STARD5: variants seen among roughly 807,000 people sequenced by gnomAD.
The protein encoded by STARD5 is StAR related lipid transfer domain containing 5, also known as stAR-related lipid transfer protein 5.
Under a neutral mutation model 24.6 loss-of-function variants are expected in STARD5, and 26 were observed. The ratio of observed to expected loss-of-function variants is 1.06; its 90% CI spans 0.77 to 1.47. The LOEUF (loss-of-function observed/expected upper bound fraction) is 1.47, where lower values mean the gene tolerates loss of function less well. Ranked by LOEUF, STARD5 falls within the 40% of genes most tolerant of loss-of-function variation. The pLI is 0.00. For synonymous variants in STARD5, 101 were observed against 99.7 expected (o/e 1.01, Z -0.07); for missense variants, 254 against 270.8 (o/e 0.94, Z 0.44).
chr15:81,319,295 C>G (rs768499450), intron 4 of STARD5, 44 bp downstream of exon 4: 5 of 1,532,794 alleles, frequency 3.3e-6, no homozygotes, highest in Non-Finnish European at 9.0e-7. Context: ...AGAGAAAGCT[C>G]GATATCGCAG....
intron 5 of STARD5, 105 bp downstream of exon 5, chr15:81,318,304 T>C (rs1901123778): frequency 1.1e-6 from 1 of 932,012 alleles, no homozygotes; most frequent in Non-Finnish European, 1.7e-6. Flanking sequence ...TAAGGCATTT[T>C]TCTTCTTTTG....
rs1403689355 is a variant in STARD5 at position 81,309,277 on chromosome 15, C to T, written c.*3979G>A. 1 of 154,370 alleles carries T rather than the reference C, an allele frequency of 6.5e-6. No individual in the cohort carries two copies. Among genetic ancestry groups the T allele is most frequent in the African/African-American group, 2.4e-5 (1 of 41,490 alleles). The allele number at this position is 154,370 out of a possible 1,614,324, so 9.6% of individuals were successfully genotyped here. A position where few individuals can be genotyped will look rare whatever the true frequency, so the allele number is the denominator to read the frequency against. On this transcript the variant is annotated 3_prime_UTR_variant, in exon 6 of 6. Coordinates refer to ENST00000302824, the MANE Select transcript of STARD5 (RefSeq NM_181900.3). ...TGCAAAGTCATGCAAAGGCTGGGACCACGTGAGATCATTCACTCATACATC... is the reference window on the plus strand; with the variant it reads ...TGCAAAGTCATGCAAAGGCTGGGACTACGTGAGATCATTCACTCATACATC...
intron 5 of STARD5, among the ~76,000 whole-genome samples, chr15:81,314,245 G>A (rs1294291554): frequency 6.6e-6 from 1 of 152,132 alleles, no homozygotes; most frequent in Non-Finnish European, 1.5e-5. Context: ...TAGAGAACTG[G>A]CGAATAATTT....
At chr15:81,315,130 C>T (rs993384774) in intron 5 of STARD5, among the ~76,000 whole-genome samples, 2 of 152,062 alleles carry the variant, frequency 1.3e-5, no homozygotes, top group Non-Finnish European at 2.9e-5. Context: ...TTTCCCTCAC[C>T]CACCAACCCC....
rs1901137241 is a variant in STARD5 at position 81,318,879 on chromosome 15, G to GGAA, written c.401-378_401-377insTTC. Among the ~76,000 whole-genome samples, 3 of 152,180 alleles carry GGAA rather than the reference G, an allele frequency of 2.0e-5. No individual in the cohort carries two copies. In the South Asian group the frequency reaches 6.2e-4, roughly 32 times the overall value. ...AGGCAGGTGCCTCTCTCAAATCTCA[G>GGAA]CCAGGAGAGGCATGGATGCATCCAA... On this transcript the variant is annotated intron_variant, in intron 4 of 5. Coordinates refer to ENST00000302824, the MANE Select transcript of STARD5 (RefSeq NM_181900.3).
At chr15:81,318,010 G>T (rs1430416349) in intron 5 of STARD5, among the ~76,000 whole-genome samples, 1 of 152,144 alleles carries the variant, frequency 6.6e-6, no homozygotes, top group Non-Finnish European at 1.5e-5. Context: ...GCTCCTGCCT[G>T]GCGGAGGGTA....
At chr15:81,319,255 G>A (rs952206396) in intron 4 of STARD5, 84 bp downstream of exon 4, 1 of 1,246,268 alleles carries the variant, frequency 8.0e-7, no homozygotes, top group Admixed American at 1.7e-5. Context: ...CTGGTTGCTT[G>A]GCTTTCCTTA....
rs1041074090 is a variant in STARD5, at chr15:81,311,924, T to G, written c.*1332A>C. 1.3e-5 allele frequency: 2 copies of G among 152,212 alleles called. No homozygotes were observed. The highest frequency in any genetic ancestry group is 4.8e-5 in the African/African-American group (2 of 41,442). 9.4% of individuals were successfully genotyped at this position (152,212 alleles called of 1,614,324 possible). A position where few individuals can be genotyped will look rare whatever the true frequency, so the allele number is the denominator to read the frequency against. On this transcript the variant is annotated 3_prime_UTR_variant, in exon 6 of 6. Coordinates refer to ENST00000302824, the MANE Select transcript of STARD5 (RefSeq NM_181900.3). ...CACTGAGCTGTCATGTTTTAAAGCT[T>G]GCTCACATCTTGGCACATTTAAGAG...
intron 2 of STARD5, 111 bp downstream of exon 2, chr15:81,322,788 C>A: frequency 7.0e-7 from 1 of 1,431,112 alleles, no homozygotes. Context: ...TTCTGGAGGA[C>A]AAGTGATCAC....
At chr15:81,323,836 C>G in intron 1 of STARD5, 165 bp downstream of exon 1, 1 of 773,630 alleles carries the variant, frequency 1.3e-6, no homozygotes, top group Non-Finnish European at 2.1e-6. Flanking sequence ...CAGGCCCAAT[C>G]TTTTTTTTAA....
chr15:81,311,292 C>CTGAT lies in STARD5; in HGVS notation c.*1960_*1963dup, dbSNP rs1194175873. On this transcript the variant is annotated 3_prime_UTR_variant, in exon 6 of 6. Transcript: ENST00000302824. ...CTTCTTTGCTTTGCCCAGCATTTTA[C>CTGAT]TGATTCATACATTATCTCACTTGTG... 2 of 152,242 alleles carry CTGAT rather than the reference C, an allele frequency of 1.3e-5. No individual in the cohort carries two copies. The highest frequency in any genetic ancestry group is 2.4e-5 in the African/African-American group (1 of 41,464). The allele number at this position is 152,242 out of a possible 1,614,324, so 9.4% of individuals were successfully genotyped here.
In STARD5 at chr15:81,318,409, C is replaced by T. The variant is rs201452538; in HGVS notation, c.494G>A (p.Gly165Glu). Residue 165 changes from glycine (G) to glutamate (E), a missense_variant and splice_region_variant, in exon 5 of 6, where the codon GGG becomes GAG. Coordinates refer to ENST00000302824, the MANE Select transcript of STARD5 (RefSeq NM_181900.3). ...PCGCFCEPLP[G>E]EPTKTNLVTF... ...CCTCAATGCAGGAAATTATCCTTAC[C>T]CTGGAAGAGGTTCACAGAAGCAACC... 1 of 1,614,002 alleles carries T rather than the reference C, an allele frequency of 6.2e-7. No homozygotes were observed. The highest frequency in any genetic ancestry group is 2.2e-5 in the East Asian group (1 of 44,884).
chr15:81,313,637 G>A, intron 5 of STARD5: 1 of 333,884 alleles, frequency 3.0e-6, no homozygotes, highest in Non-Finnish European at 5.4e-6. Flanking sequence ...CAGGGAGGAA[G>A]AAGTCCCTAC....
intron 5 of STARD5, 92 bp from the exon 6 acceptor site, chr15:81,313,495 A>G (rs1470118956): frequency 1.6e-6 from 2 of 1,256,994 alleles, no homozygotes; most frequent in Non-Finnish European, 2.1e-6. Context: ...GCCCAGTGGA[A>G]ATGGCCATGA....
chr15:81,323,134 T>C lies in STARD5; in HGVS notation c.100-186A>G, dbSNP rs1405446298. On this transcript the variant is annotated intron_variant, in intron 1 of 5. Transcript: ENST00000302824. Reference sequence around the variant, plus strand: ...AAGCTGTCCCCACAGCAGAATGTGATGAAGAAAAAGATCTTAACTGGCTGA... The same window carrying C: ...AAGCTGTCCCCACAGCAGAATGTGACGAAGAAAAAGATCTTAACTGGCTGA... The C allele has an allele frequency of 8.1e-6, 5 of 618,744 alleles. No individual in the cohort carries two copies. In the Admixed American group the frequency reaches 1.2e-4, roughly 15 times the overall value. 38.3% of individuals were successfully genotyped at this position (618,744 alleles called of 1,614,324 possible).
intron 3 of STARD5, 48 bp from the exon 4 acceptor site, chr15:81,319,504 T>C (rs1284126492): frequency 2.6e-6 from 4 of 1,522,350 alleles, no homozygotes; most frequent in Non-Finnish European, 3.6e-6. Context: ...CCAGACATCT[T>C]CTCCCAACTC....
chr15:81,323,766 TG>T, intron 1 of STARD5: 1 of 720,106 alleles, frequency 1.4e-6, no homozygotes. Flanking sequence ...CAGGTGACCT[TG>T]GGCAAGTCAC....
At chr15:81,314,707 G>A (rs1901036925) in intron 5 of STARD5, among the ~76,000 whole-genome samples, 1 of 151,946 alleles carries the variant, frequency 6.6e-6, no homozygotes, top group Non-Finnish European at 1.5e-5. Flanking sequence ...ACAACAAGGG[G>A]AAACCCCATC....
chr15:81,317,658 A>T (rs1008055422), intron 5 of STARD5, among the ~76,000 whole-genome samples: 1 of 152,148 alleles, frequency 6.6e-6, no homozygotes, highest in Non-Finnish European at 1.5e-5. Context: ...CTCCTGGGAC[A>T]ATGTGGTAGA....
Sources: gnomAD v4.1 joint callset for allele counts (sites outside exome capture counted in the v4.1 genomes callset) on GRCh38, gnomAD v4.1.1 for gene constraint, MANE v1.5 for transcripts, NCBI Gene and HGNC (gene_info 2026-07-23, HGNC 2026-07-21) for gene names.